GRM8: variants seen among roughly 807,000 people sequenced by gnomAD.
GRM8 encodes metabotropic glutamate receptor 8.
Under a neutral mutation model 87.2 loss-of-function variants are expected in GRM8, and 47 were observed. The observed-to-expected ratio is 0.54, with a 90% CI of 0.43 to 0.69. GRM8 has a LOEUF of 0.69. GRM8 is among the 30% of genes least tolerant of loss of function. The probability of loss-of-function intolerance (pLI) is 0.00; values close to 1 mark genes in which losing one functional copy is unlikely to be tolerated. For missense variants in GRM8, 1,019 were observed against 1,139.2 expected (o/e 0.89, Z 1.52); for synonymous variants, 396 against 404.5 (o/e 0.98, Z 0.25).
At chr7:126,881,570 T>C (rs1373945273) in intron 6 of GRM8, among the ~76,000 whole-genome samples, 3 of 152,066 alleles carry the variant, frequency 2.0e-5, no homozygotes, top group South Asian at 2.1e-4. Context: ...CATGGAATAG[T>C]GTTGAGTGCA....
chr7:126,565,339 A>T (rs1794124316), intron 8 of GRM8, among the ~76,000 whole-genome samples: 1 of 151,744 alleles, frequency 6.6e-6, no homozygotes, highest in African/African-American at 2.4e-5. Flanking sequence ...TGTTAGAACA[A>T]ACAAATTCAA....
chr7:126,630,544 T>A (rs1203364405), intron 7 of GRM8, among the ~76,000 whole-genome samples: 2 of 152,136 alleles, frequency 1.3e-5, no homozygotes, highest in African/African-American at 4.8e-5. Context: ...GAGGCCAGCA[T>A]CTTCCTAATA....
At chr7:126,974,716 G>A (rs767329663) in intron 3 of GRM8, among the ~76,000 whole-genome samples, 29 of 151,990 alleles carry the variant, frequency 1.9e-4, no homozygotes, top group Non-Finnish European at 4.1e-4. Flanking sequence ...GGCAGATCAC[G>A]AGGTCAGGAG....
At chr7:126,631,664 C>T (rs564290860) in intron 7 of GRM8, among the ~76,000 whole-genome samples, 6 of 152,078 alleles carry the variant, frequency 3.9e-5, no homozygotes, top group East Asian at 1.9e-4. Context: ...CCAGATAGCA[C>T]GGTACTGGTA....
intron 6 of GRM8, among the ~76,000 whole-genome samples, chr7:126,836,582 T>C (rs142283409): frequency 2.0e-5 from 3 of 152,270 alleles, no homozygotes; most frequent in Non-Finnish European, 2.9e-5. Flanking sequence ...AGCTTCATCC[T>C]ACTTATCTAG....
intron 8 of GRM8, among the ~76,000 whole-genome samples, chr7:126,573,693 T>A (rs1181905839): frequency 6.6e-6 from 1 of 152,096 alleles, no homozygotes; most frequent in Non-Finnish European, 1.5e-5. Flanking sequence ...CAAGTGATTC[T>A]CCTTCCTCAG....
At chr7:126,546,150 T>C (rs111301225) in intron 8 of GRM8, among the ~76,000 whole-genome samples, 166 of 152,348 alleles carry the variant, frequency 1.1e-3, no homozygotes, top group African/African-American at 3.8e-3. Flanking sequence ...ATAACATTTA[T>C]TGAGGACATA....
intron 7 of GRM8, among the ~76,000 whole-genome samples, chr7:126,743,406 CT>C (rs1427418379): frequency 6.6e-6 from 1 of 152,078 alleles, no homozygotes; most frequent in African/African-American, 2.4e-5. Context: ...AAATGATCCA[CT>C]TTTCATATCA....
intron 3 of GRM8, among the ~76,000 whole-genome samples, chr7:127,086,681 T>C (rs563633122): frequency 1.3e-5 from 2 of 152,242 alleles, no homozygotes; most frequent in South Asian, 4.1e-4. Context: ...TTTCTCATCT[T>C]GGCTCTAAAC....
intron 2 of GRM8, among the ~76,000 whole-genome samples, chr7:127,224,638 G>T (rs1044813544): frequency 2.6e-5 from 4 of 152,112 alleles, no homozygotes; most frequent in Non-Finnish European, 5.9e-5. Context: ...AAATACAATC[G>T]AGTTTGCTTT....
chr7:126,450,667 A>T lies in GRM8; in HGVS notation c.2431-4295T>A, dbSNP rs1584647279. Among the ~76,000 whole-genome samples the T allele has an allele frequency of 2.0e-5, 3 of 151,724 alleles. No individual in the cohort carries two copies. In the East Asian group the frequency reaches 5.8e-4, roughly 30 times the overall value. ...ATGAAGAAGTTTATAGAGAAACTGG[A>T]GTTGTCCTGTGGGTGGTAACACCCC... is the stretch of plus-strand genomic sequence containing the variant. On this transcript the variant is annotated intron_variant, in intron 9 of 10. Transcript: ENST00000339582.
At chr7:126,568,057 A>G (rs1263026924) in intron 8 of GRM8, among the ~76,000 whole-genome samples, 1 of 152,200 alleles carries the variant, frequency 6.6e-6, no homozygotes, top group African/African-American at 2.4e-5. Context: ...TCTCCAACAA[A>G]TTAAAATTAT....
At chr7:126,784,613 A>G (rs1300960824) in intron 6 of GRM8, among the ~76,000 whole-genome samples, 1 of 152,226 alleles carries the variant, frequency 6.6e-6, no homozygotes, top group Non-Finnish European at 1.5e-5. Flanking sequence ...CCTTCTTCAC[A>G]GAAGCTGAAA....
At chr7:127,153,637 T>C (rs996935576) in intron 2 of GRM8, among the ~76,000 whole-genome samples, 8 of 152,140 alleles carry the variant, frequency 5.3e-5, no homozygotes, top group African/African-American at 1.9e-4. Flanking sequence ...TTGGTGACTA[T>C]GAACTTTGAG....
At chr7:126,780,325 T>A (rs1819924657) in intron 6 of GRM8, among the ~76,000 whole-genome samples, 2 of 152,162 alleles carry the variant, frequency 1.3e-5, no homozygotes, top group Non-Finnish European at 2.9e-5. Context: ...CCCATAGGGT[T>A]GTTGTCATAA....
intron 3 of GRM8, among the ~76,000 whole-genome samples, chr7:127,048,625 T>C (rs17866775): frequency 0.01 from 1,536 of 152,296 alleles, 29 homozygotes; most frequent in African/African-American, 0.035. Context: ...GAAAGTAAGA[T>C]GTGGAAGTTT....
At chr7:126,962,596 C>T (rs749219217) in intron 3 of GRM8, among the ~76,000 whole-genome samples, 70 of 152,100 alleles carry the variant, frequency 4.6e-4, no homozygotes, top group Admixed American at 1.0e-3. Context: ...GAATATAATG[C>T]ACCTTAATTG....
chr7:126,889,341 T>G (rs2262068), intron 6 of GRM8, among the ~76,000 whole-genome samples: 65,150 of 151,960 alleles, frequency 0.43, 14,197 homozygotes, highest in East Asian at 0.66. Flanking sequence ...CTGGGAATTA[T>G]TAAACACAGA....
intron 2 of GRM8, among the ~76,000 whole-genome samples, chr7:127,124,313 T>C (rs1204534189): frequency 1.3e-5 from 2 of 152,196 alleles, no homozygotes. Context: ...ACTTTTCATG[T>C]CACAAAATCC....
Sources: allele counts gnomAD v4.1 joint callset (sites outside exome capture counted in the v4.1 genomes callset), GRCh38; gene constraint gnomAD v4.1.1; transcripts MANE v1.5; gene names NCBI Gene and HGNC (gene_info 2026-07-23, HGNC 2026-07-21).